Variants in PCDHGA6 observed in about 807,000 individuals in gnomAD.
The protein encoded by PCDHGA6 is protocadherin gamma-A6.
A neutral mutation model predicts 60.6 loss-of-function variants in PCDHGA6; 41 were observed. That is an observed-to-expected ratio of 0.68 (90% CI 0.53 to 0.88). The LOEUF (loss-of-function observed/expected upper bound fraction) is 0.88. Ranked by LOEUF, PCDHGA6 falls within the 40% of genes least tolerant of loss-of-function variation. The pLI is 0.00. For synonymous variants in PCDHGA6, 594 were observed against 524.4 expected, an observed-to-expected ratio of 1.13 and a Z score of -1.81; for missense variants, 1,312 against 1,203.0, an observed-to-expected ratio of 1.09 and a Z score of -1.34.
At position 141,375,244 on chromosome 5, in the gene PCDHGA6, G is replaced by A. The variant is rs527726605; in HGVS notation, c.1161G>A (p.Pro387=). The A allele has an allele frequency of 6.2e-7, 1 of 1,613,890 alleles. No homozygotes were observed. Among genetic ancestry groups the A allele is most frequent in the Admixed American group, 1.7e-5 (1 of 60,014 alleles). The change falls in exon 1 of 4, where the codon CCG becomes CCA. Residue 387 remains proline (P), a synonymous_variant. Coordinates refer to ENST00000517434, the MANE Select transcript of PCDHGA6 (RefSeq NM_018919.3). ...GLNGLVTCSI[P]RSLPFELEKS... ...ATGGCCTGGTAACCTGTTCCATCCCGAGAAGTCTCCCATTTGAATTGGAAA... is the reference window on the plus strand; with the variant it reads ...ATGGCCTGGTAACCTGTTCCATCCCAAGAAGTCTCCCATTTGAATTGGAAA...
chr5:141,417,732 C>T (rs2096153715), intron 1 of PCDHGA6: 4 of 1,390,342 alleles, frequency 2.9e-6, no homozygotes, highest in Admixed American at 2.8e-5. Context: ...AGACCTTGCC[C>T]AGCACACCAG....
intron 1 of PCDHGA6, chr5:141,388,337 A>C: frequency 6.2e-7 from 1 of 1,613,990 alleles, no homozygotes; most frequent in Non-Finnish European, 8.5e-7. Context: ...CTGGCACACG[A>C]TTTATATTAG....
intron 1 of PCDHGA6, among the ~76,000 whole-genome samples, chr5:141,461,001 A>G (rs1309762345): frequency 4.0e-5 from 6 of 150,320 alleles, no homozygotes; most frequent in South Asian, 4.2e-4. Context: ...ATATATGTGT[A>G]TATATATATA....
At chr5:141,408,723 C>G (rs1365936782) in intron 1 of PCDHGA6, 3 of 1,611,058 alleles carry the variant, frequency 1.9e-6, no homozygotes, top group Non-Finnish European at 2.5e-6. Flanking sequence ...AAGATAAACT[C>G]TAATCCTTAT....
At chr5:141,433,487 C>T (rs1052153936) in intron 1 of PCDHGA6, among the ~76,000 whole-genome samples, 3 of 152,094 alleles carry the variant, frequency 2.0e-5, no homozygotes, top group African/African-American at 7.2e-5. Context: ...TCCTGCTTCT[C>T]CCTCCCAAAC....
At chr5:141,406,244 G>C (rs1214749681) in intron 1 of PCDHGA6, among the ~76,000 whole-genome samples, 1 of 151,936 alleles carries the variant, frequency 6.6e-6, no homozygotes, top group Non-Finnish European at 1.5e-5. Context: ...ATGTTGCCCA[G>C]ACTGGTCTCA....
Position 141,375,504 on chromosome 5 carries a change from T to G in PCDHGA6, c.1421T>G (p.Val474Gly). The G allele has an allele frequency of 1.2e-6, 2 of 1,614,004 alleles. No homozygotes were observed. The highest frequency in any genetic ancestry group is 1.7e-6 in the Non-Finnish European group (2 of 1,179,936). The change falls in exon 1 of 4, where the codon GTG becomes GGG. Residue 474 changes from valine to glycine, a missense_variant. By Grantham distance (109) the Val-to-Gly change is moderately radical. Coordinates refer to ENST00000517434, the MANE Select transcript of PCDHGA6 (RefSeq NM_018919.3). ...NNPRGASIFS[V>G]NALDPDVDQN... ...CCCAGGGGTGCCTCCATCTTCTCTG[T>G]GAATGCACTGGACCCTGACGTGGAC...
At chr5:141,398,949 C>T (rs749860900) in intron 1 of PCDHGA6, 1 of 1,613,948 alleles carries the variant, frequency 6.2e-7, no homozygotes, top group Non-Finnish European at 8.5e-7. Flanking sequence ...AGGGCATCAA[C>T]TCAGAAATTA....
chr5:141,503,910 G>A (rs1311674998), intron 2 of PCDHGA6, among the ~76,000 whole-genome samples: 1 of 152,062 alleles, frequency 6.6e-6, no homozygotes, highest in Admixed American at 6.6e-5. Flanking sequence ...CACACACAAC[G>A]CAACACACAC....
rs55729045 is a variant in PCDHGA6 at position 141,395,542 on chromosome 5, TTGTGTGTGTGTGTG to T, written c.2424+19071_2424+19084del. ...TCCATACTGGTAATTTTGCTATTGT[TTGTGTGTGTGTGTG>T]TGTGTGTGTGTGTGTGTGTGTGTGT... On this transcript the variant is annotated intron_variant, in intron 1 of 3. Transcript: ENST00000517434. The T allele has an allele frequency of 6.1e-4, 106 of 172,624 alleles. 1 individual carries two copies. Among genetic ancestry groups the T allele is most frequent in the South Asian group, 8.7e-4 (10 of 11,526 alleles). The allele number at this position is 172,624 out of a possible 1,614,324, so 10.7% of individuals were successfully genotyped here.
intron 1 of PCDHGA6, chr5:141,393,474 C>G (rs773609499): frequency 3.1e-6 from 5 of 1,614,044 alleles, no homozygotes; most frequent in Non-Finnish European, 4.2e-6. Flanking sequence ...CGGCAAGCCG[C>G]CTCGCTCTAG....
chr5:141,467,055 C>CTT (rs1193465269), intron 1 of PCDHGA6, among the ~76,000 whole-genome samples: 5 of 134,496 alleles, frequency 3.7e-5, no homozygotes, highest in African/African-American at 5.4e-5. Context: ...TCAATGTTTT[C>CTT]TTTTTTTTTT....
chr5:141,388,314 G>A (rs752079289), intron 1 of PCDHGA6: 4 of 1,613,824 alleles, frequency 2.5e-6, no homozygotes, highest in South Asian at 1.1e-5. Context: ...GCAAATAAGT[G>A]AGTCTGCACA....
chr5:141,424,127 A>T (rs901831932), intron 1 of PCDHGA6: 1 of 486,538 alleles, frequency 2.1e-6, no homozygotes, highest in African/African-American at 2.1e-5. Flanking sequence ...GATCCTGTTG[A>T]TTTAATAGCA....
intron 1 of PCDHGA6, chr5:141,408,920 C>T (rs772932702): frequency 1.9e-6 from 3 of 1,613,506 alleles, no homozygotes; most frequent in Admixed American, 1.7e-5. Context: ...TGATAACCCC[C>T]CGGTTTTCAG....
At chr5:141,427,115 C>G (rs1276437779) in intron 1 of PCDHGA6, 5 of 457,520 alleles carry the variant, frequency 1.1e-5, no homozygotes, top group African/African-American at 1.0e-4. Flanking sequence ...AGATCACCTA[C>G]TCTTTCAAAT....
At chr5:141,400,332 T>TC (rs772688780) in intron 1 of PCDHGA6, 6 of 1,613,994 alleles carry the variant, frequency 3.7e-6, no homozygotes, top group South Asian at 3.3e-5. Flanking sequence ...GACCTGTGGT[T>TC]CCCCCCAACT....
chr5:141,423,035 C>T (rs1220219512), intron 1 of PCDHGA6: 2 of 1,614,214 alleles, frequency 1.2e-6, no homozygotes, highest in Admixed American at 3.3e-5. Flanking sequence ...GGCCAGAACG[C>T]CTGGCTGTCC....
chr5:141,432,094 C>G lies in PCDHGA6; in HGVS notation c.2424+55587C>G. On this transcript the variant is annotated intron_variant, in intron 1 of 3. Transcript: ENST00000517434. This position sits in a 1 kb window ranked among gnomAD's most constrained non-coding sequence, Gnocchi z 6.0. ...ATATCTCGCTGAACGTGGCAGACAC[C>G]AACGACAACCCGCCGGTCTTCCCTC... The G allele has an allele frequency of 6.2e-7, 1 of 1,614,178 alleles. No homozygotes were observed. The highest frequency in any genetic ancestry group is 8.5e-7 in the Non-Finnish European group (1 of 1,180,046).
Sources: gnomAD v4.1 joint callset for allele counts (sites outside exome capture counted in the v4.1 genomes callset) on GRCh38, gnomAD v4.1.1 for gene constraint, Gnocchi (gnomAD v3.1) non-coding constraint, MANE v1.5 for transcripts, NCBI Gene and HGNC (gene_info 2026-07-23, HGNC 2026-07-21) for gene names.